ABHD17C: variants seen among roughly 807,000 people sequenced by gnomAD.
The protein encoded by ABHD17C is alpha/beta hydrolase domain-containing protein 17C.
In ABHD17C, 11 loss-of-function variants were observed where a neutral mutation model predicts 27.9. The observed-to-expected ratio is 0.39, with a 90% confidence interval of 0.25 to 0.65. The LOEUF (loss-of-function observed/expected upper bound fraction) is 0.65, where lower values mean the gene tolerates loss of function less well. Among genes scored for constraint, ABHD17C ranks in the 30% least tolerant of loss-of-function variants. The probability of loss-of-function intolerance (pLI) is 0.45; values close to 1 mark genes in which losing one functional copy is unlikely to be tolerated. For missense variants in ABHD17C, 280 were observed against 470.2 expected, an observed-to-expected ratio of 0.60 and a Z score of 3.74; for synonymous variants, 233 against 209.1, an observed-to-expected ratio of 1.11 and a Z score of -0.98.
intron 1 of ABHD17C, among the ~76,000 whole-genome samples, chr15:80,733,960 ATTATTTATTTATTTATTTAT>A (rs139005879): frequency 9.0e-5 from 13 of 144,504 alleles, no homozygotes; most frequent in South Asian, 6.6e-4. Context: ...ATTTTATTTT[ATTATTTATTTATTTATTTAT>A]TTATTTATTT....
At chr15:80,743,863 G>A (rs148703838) in intron 1 of ABHD17C, among the ~76,000 whole-genome samples, 2 of 152,166 alleles carry the variant, frequency 1.3e-5, no homozygotes, top group Non-Finnish European at 1.5e-5. Context: ...GTGAGCCACC[G>A]TGCCTGGCTA....
chr15:80,705,820 A>G (rs1567030797), intron 1 of ABHD17C, among the ~76,000 whole-genome samples: 1 of 152,172 alleles, frequency 6.6e-6, no homozygotes, highest in Non-Finnish European at 1.5e-5. Context: ...AGTGGTATGC[A>G]TTAGTATTTT....
chr15:80,714,060 C>G (rs893348523), intron 1 of ABHD17C, among the ~76,000 whole-genome samples: 1 of 152,022 alleles, frequency 6.6e-6, no homozygotes, highest in African/African-American at 2.4e-5. Flanking sequence ...CTCGGGTAGT[C>G]CTCCCACCTC....
chr15:80,705,332 T>TG (rs142351505), intron 1 of ABHD17C, among the ~76,000 whole-genome samples: 18 of 114,814 alleles, frequency 1.6e-4, no homozygotes, highest in Non-Finnish European at 2.9e-4. Context: ...CTTCCTATGA[T>TG]TTGTGTGTGT....
At position 80,695,443 on chromosome 15, in the gene ABHD17C, GC is replaced by G. The variant is rs2141485369; in HGVS notation, c.18del (p.Arg7GlyfsTer2). On this transcript the variant is annotated frameshift_variant, in exon 1 of 3. Transcript: ENST00000258884. LOFTEE classifies it high-confidence loss of function. This position sits in a 1 kb window ranked among gnomAD's most constrained non-coding sequence, Gnocchi z 4.3. ...CAGGCCGTCCCGATGCCCGAGCCAGGCCCCAGGATGAACGGCTTCTCGCTGG... is the reference window on the plus strand; with the variant it reads ...CAGGCCGTCCCGATGCCCGAGCCAGGCCCAGGATGAACGGCTTCTCGCTGG... MPEP[G>X]PRMNGFSLGE... 1.5e-6 allele frequency: 2 copies of G among 1,353,392 alleles called. No individual in the cohort carries two copies. The highest frequency in any genetic ancestry group is 1.3e-5 in the South Asian group (1 of 75,390). The allele number at this position is 1,353,392 out of a possible 1,614,324, so 83.8% of individuals were successfully genotyped here. A position where few individuals can be genotyped will look rare whatever the true frequency, so the allele number is the denominator to read the frequency against.
intron 1 of ABHD17C, among the ~76,000 whole-genome samples, chr15:80,698,453 C>T (rs990702316): frequency 6.6e-6 from 1 of 152,176 alleles, no homozygotes; most frequent in African/African-American, 2.4e-5. Context: ...CACACGTTCA[C>T]CCAGCTCATC....
intron 1 of ABHD17C, among the ~76,000 whole-genome samples, chr15:80,732,845 AG>A (rs1895075899): frequency 6.6e-6 from 1 of 152,232 alleles, no homozygotes; most frequent in Admixed American, 6.5e-5. Context: ...TGATGGAATA[AG>A]TGGGCCAGCA....
chr15:80,726,534 C>T (rs531442005), intron 1 of ABHD17C, among the ~76,000 whole-genome samples: 215 of 96,824 alleles, frequency 2.2e-3, no homozygotes, highest in African/African-American at 7.5e-3. Flanking sequence ...TTTTTTGAGA[C>T]GGAGCCTTGC....
At chr15:80,730,699 T>G (rs991429972) in intron 1 of ABHD17C, among the ~76,000 whole-genome samples, 1 of 152,206 alleles carries the variant, frequency 6.6e-6, no homozygotes, top group East Asian at 1.9e-4. Flanking sequence ...TGTGAAGTGC[T>G]TACTTCAGAG....
intron 1 of ABHD17C, among the ~76,000 whole-genome samples, chr15:80,727,601 G>A (rs1174551156): frequency 6.6e-6 from 1 of 152,032 alleles, no homozygotes; most frequent in African/African-American, 2.4e-5. Context: ...AGCAAAAGGT[G>A]GGGAAGAAAG....
chr15:80,709,701 C>G (rs1894704511), intron 1 of ABHD17C, among the ~76,000 whole-genome samples: 1 of 152,072 alleles, frequency 6.6e-6, no homozygotes, highest in Non-Finnish European at 1.5e-5. Flanking sequence ...CCGGCCTCTC[C>G]CTCATTGTTC....
chr15:80,722,236 T>C (rs1195213348), intron 1 of ABHD17C, among the ~76,000 whole-genome samples: 3 of 152,090 alleles, frequency 2.0e-5, no homozygotes, highest in Non-Finnish European at 4.4e-5. Flanking sequence ...CTAATTTTTA[T>C]GCTGCTTTTC....
chr15:80,735,907 T>G (rs1466584117), intron 1 of ABHD17C, among the ~76,000 whole-genome samples: 1 of 152,224 alleles, frequency 6.6e-6, no homozygotes, highest in Non-Finnish European at 1.5e-5. Flanking sequence ...TTTACCCTCC[T>G]TACATCCAGT....
chr15:80,715,670 A>C (rs1894794415), intron 1 of ABHD17C, among the ~76,000 whole-genome samples: 1 of 152,236 alleles, frequency 6.6e-6, no homozygotes, highest in Non-Finnish European at 1.5e-5. Flanking sequence ...GTGATCTTCA[A>C]AGCGCTTTCA....
At chr15:80,717,496 C>T (rs1355878750) in intron 1 of ABHD17C, among the ~76,000 whole-genome samples, 1 of 151,580 alleles carries the variant, frequency 6.6e-6, no homozygotes, top group Non-Finnish European at 1.5e-5. Flanking sequence ...CAGTTTCAAG[C>T]GATTCTCATG....
intron 1 of ABHD17C, among the ~76,000 whole-genome samples, chr15:80,707,708 G>T (rs1219540755): frequency 6.6e-6 from 1 of 152,166 alleles, no homozygotes; most frequent in East Asian, 1.9e-4. Flanking sequence ...GGGAACTTTA[G>T]AGAACAACTT....
intron 1 of ABHD17C, among the ~76,000 whole-genome samples, chr15:80,729,169 T>A (rs1216033703): frequency 6.6e-6 from 1 of 152,168 alleles, no homozygotes; most frequent in African/African-American, 2.4e-5. Context: ...AGGAATAAAT[T>A]CTTCCTTTCT....
At chr15:80,719,540 A>G (rs904973340) in intron 1 of ABHD17C, among the ~76,000 whole-genome samples, 2 of 152,142 alleles carry the variant, frequency 1.3e-5, no homozygotes, top group Non-Finnish European at 2.9e-5. Flanking sequence ...ATTGATTTCT[A>G]TCATTTGAAT....
Position 80,754,144 on chromosome 15 carries a change from T to G in ABHD17C, c.771-7T>G. Reference sequence around the variant, plus strand: ...CTCTTTCTGCCTCCCCCCTTTCTGTTTTGCAGCATTGACAAGATATCTAAA... The same window carrying G: ...CTCTTTCTGCCTCCCCCCTTTCTGTGTTGCAGCATTGACAAGATATCTAAA... On this transcript the variant is annotated splice_region_variant and splice_polypyrimidine_tract_variant and intron_variant, in intron 2 of 2. Coordinates refer to ENST00000258884, the MANE Select transcript of ABHD17C (RefSeq NM_021214.2). The G allele has an allele frequency of 6.2e-7, 1 of 1,611,854 alleles. No individual in the cohort carries two copies.
Sources: allele counts gnomAD v4.1 joint callset (sites outside exome capture counted in the v4.1 genomes callset), GRCh38; gene constraint gnomAD v4.1.1; non-coding constraint Gnocchi (gnomAD v3.1); transcripts MANE v1.5; gene names NCBI Gene and HGNC (gene_info 2026-07-23, HGNC 2026-07-21).